RBFOX1: variants seen among roughly 807,000 people sequenced by gnomAD.
RBFOX1 encodes RNA binding fox-1 homolog 1, also known as RNA binding protein fox-1 homolog 1.
RBFOX1 carries 8 observed loss-of-function variants against 57.7 expected under a neutral mutation model. That is an observed-to-expected ratio of 0.14 (90% confidence interval 0.08 to 0.25). The LOEUF is 0.25. Among genes scored for constraint, RBFOX1 ranks in the 10% least tolerant of loss-of-function variants. RBFOX1 has a pLI of 1.00. For synonymous variants in RBFOX1, 326 were observed against 222.4 expected (o/e 1.47, Z -4.15); for missense variants, 611 against 548.5 (o/e 1.11, Z -1.14).
intron 1 of RBFOX1, among the ~76,000 whole-genome samples, chr16:6,287,018 A>C (rs565026086): frequency 6.6e-6 from 1 of 152,048 alleles, no homozygotes; most frequent in East Asian, 1.9e-4. Flanking sequence ...CTGAAACTCA[A>C]ATGCCTACAG....
chr16:5,625,941 A>G (rs1488012880), intron 3 of RBFOX1, among the ~76,000 whole-genome samples: 2 of 151,464 alleles, frequency 1.3e-5, no homozygotes, highest in African/African-American at 2.4e-5. Context: ...CAATGGCACA[A>G]TCTCAGCTCA....
intron 14 of RBFOX1, among the ~76,000 whole-genome samples, chr16:7,704,081 A>T (rs768856679): frequency 6.6e-6 from 1 of 152,188 alleles, no homozygotes. Context: ...TGCTTTACAA[A>T]TGAGGAAGAT....
At chr16:7,258,491 GA>G (rs1380563831) in intron 4 of RBFOX1, among the ~76,000 whole-genome samples, 1 of 152,044 alleles carries the variant, frequency 6.6e-6, no homozygotes, top group Non-Finnish European at 1.5e-5. Context: ...GTCAAGGGGG[GA>G]GGCGAATTAC....
chr16:7,170,066 C>G (rs867483369), intron 4 of RBFOX1, among the ~76,000 whole-genome samples: 1 of 151,924 alleles, frequency 6.6e-6, no homozygotes, highest in Non-Finnish European at 1.5e-5. Context: ...AGAGGAAGAC[C>G]CTGTCTCAAA....
chr16:7,195,358 C>G (rs553459508), intron 4 of RBFOX1, among the ~76,000 whole-genome samples: 1 of 152,132 alleles, frequency 6.6e-6, no homozygotes, highest in African/African-American at 2.4e-5. Flanking sequence ...CACCAATGAC[C>G]TGGTGTGCAA....
intron 4 of RBFOX1, among the ~76,000 whole-genome samples, chr16:7,236,944 T>C (rs2346612): frequency 0.66 from 100,597 of 152,092 alleles, 34,810 homozygotes; most frequent in East Asian, 0.96. Flanking sequence ...TGCCTCTGTG[T>C]TGTGGTTTAT....
At chr16:6,623,165 C>G (rs17140794) in intron 2 of RBFOX1, among the ~76,000 whole-genome samples, 1 of 152,036 alleles carries the variant, frequency 6.6e-6, no homozygotes, top group African/African-American at 2.4e-5. Context: ...CAGAAGCTTA[C>G]ATTGTAGTAA....
chr16:5,734,229 T>A (rs2052490599), intron 3 of RBFOX1, among the ~76,000 whole-genome samples: 1 of 152,144 alleles, frequency 6.6e-6, no homozygotes, highest in Admixed American at 6.5e-5. Context: ...TTTGAGAGGC[T>A]GAGGTGGGAG....
intron 3 of RBFOX1, among the ~76,000 whole-genome samples, chr16:6,889,176 A>T (rs1308604561): frequency 1.3e-5 from 2 of 152,206 alleles, no homozygotes; most frequent in Admixed American, 6.5e-5. Context: ...ATTGTTACTG[A>T]AAATACTGAG....
intron 3 of RBFOX1, among the ~76,000 whole-genome samples, chr16:6,837,938 C>G (rs886147074): frequency 4.0e-5 from 6 of 151,740 alleles, no homozygotes; most frequent in African/African-American, 9.7e-5. Flanking sequence ...CAGGAAGTTA[C>G]CACCTCTTTC....
At chr16:7,015,851 A>C (rs184244633) in intron 3 of RBFOX1, among the ~76,000 whole-genome samples, 1 of 152,212 alleles carries the variant, frequency 6.6e-6, no homozygotes, top group Non-Finnish European at 1.5e-5. Flanking sequence ...CAATTGTGAA[A>C]TACTAAATTT....
At chr16:7,374,655 A>T (rs1596783924) in intron 4 of RBFOX1, among the ~76,000 whole-genome samples, 1 of 152,208 alleles carries the variant, frequency 6.6e-6, no homozygotes, top group Non-Finnish European at 1.5e-5. Flanking sequence ...ATTAAAAATA[A>T]AAAATGACAG....
At chr16:7,276,409 A>G (rs1390593865) in intron 4 of RBFOX1, among the ~76,000 whole-genome samples, 1 of 152,224 alleles carries the variant, frequency 6.6e-6, no homozygotes, top group African/African-American at 2.4e-5. Flanking sequence ...AAGAGCCTGG[A>G]CATCCATTAG....
At chr16:6,627,967 G>A (rs116165352) in intron 2 of RBFOX1, among the ~76,000 whole-genome samples, 3,057 of 152,318 alleles carry the variant, frequency 0.02, 112 homozygotes, top group African/African-American at 0.069. Flanking sequence ...CAGCCTCGCT[G>A]GATGTCAACA....
chr16:6,945,040 C>G (rs958740839), intron 3 of RBFOX1, among the ~76,000 whole-genome samples: 1 of 152,034 alleles, frequency 6.6e-6, no homozygotes, highest in African/African-American at 2.4e-5. Flanking sequence ...CATTCTGAAT[C>G]CCGTGTTCTA....
chr16:6,590,639 G>C (rs964053942), intron 2 of RBFOX1, among the ~76,000 whole-genome samples: 2 of 152,144 alleles, frequency 1.3e-5, no homozygotes, highest in East Asian at 3.9e-4. Flanking sequence ...GGCCTAGCTG[G>C]AGGCCTCTTC....
chr16:5,960,447 A>C (rs2059725352), intron 4 of RBFOX1, among the ~76,000 whole-genome samples: 1 of 152,146 alleles, frequency 6.6e-6, no homozygotes, highest in African/African-American at 2.4e-5. Flanking sequence ...GTTCCCCCAA[A>C]GTATTACGTG....
intron 3 of RBFOX1, among the ~76,000 whole-genome samples, chr16:5,781,757 G>C (rs920332382): frequency 2.0e-5 from 3 of 152,192 alleles, no homozygotes; most frequent in Admixed American, 2.0e-4. Context: ...GCCACCCATT[G>C]AAATTTTCTG....
intron 3 of RBFOX1, among the ~76,000 whole-genome samples, chr16:5,639,197 C>T (rs73529722): frequency 0.044 from 6,667 of 152,194 alleles, 488 homozygotes; most frequent in African/African-American, 0.15. Flanking sequence ...TTGCGTGATA[C>T]GTTCTAGAAT....
Sources: gnomAD v4.1 joint callset for allele counts (sites outside exome capture counted in the v4.1 genomes callset) on GRCh38, gnomAD v4.1.1 for gene constraint, MANE v1.5 for transcripts, NCBI Gene and HGNC (gene_info 2026-07-23, HGNC 2026-07-21) for gene names.